ATP2B2: variants seen among roughly 807,000 people sequenced by gnomAD.
ATP2B2 encodes the protein ATPase plasma membrane Ca2+ transporting 2.
ATP2B2 carries 15 observed loss-of-function variants against 120.0 expected under a neutral mutation model. That is an observed-to-expected ratio of 0.12 (90% CI 0.08 to 0.19). The LOEUF (loss-of-function observed/expected upper bound fraction) is 0.19. ATP2B2 is among the 10% of genes least tolerant of loss of function. The pLI, the probability that ATP2B2 is intolerant of heterozygous loss-of-function variation, is 1.00. For missense variants in ATP2B2, 1,045 were observed against 1,719.8 expected (o/e 0.61, Z 6.94); for synonymous variants, 694 against 700.3 (o/e 0.99, Z 0.14).
chr3:10,654,096 A>G (rs1265198611), intron 1 of ATP2B2, among the ~76,000 whole-genome samples: 1 of 152,078 alleles, frequency 6.6e-6, no homozygotes, highest in Non-Finnish European at 1.5e-5. Context: ...CCTCCCACAA[A>G]CCCTCTGAGG....
chr3:10,556,024 G>A (rs2067770644), intron 2 of ATP2B2, among the ~76,000 whole-genome samples: 1 of 152,168 alleles, frequency 6.6e-6, no homozygotes, highest in Non-Finnish European at 1.5e-5. Flanking sequence ...TCAGCCTCCT[G>A]AGTAGCTGGG....
At chr3:10,629,138 A>G (rs2069791125) in intron 1 of ATP2B2, among the ~76,000 whole-genome samples, 1 of 152,106 alleles carries the variant, frequency 6.6e-6, no homozygotes. Flanking sequence ...AAACAGCAAA[A>G]CCACCAACAG....
chr3:10,655,932 T>C (rs1436850225), intron 1 of ATP2B2, among the ~76,000 whole-genome samples: 3 of 152,214 alleles, frequency 2.0e-5, no homozygotes, highest in African/African-American at 7.2e-5. Context: ...AATAACACTT[T>C]ACAATCCAAT....
intron 1 of ATP2B2, among the ~76,000 whole-genome samples, chr3:10,678,841 G>A (rs528811121): frequency 6.6e-6 from 1 of 152,324 alleles, no homozygotes; most frequent in Admixed American, 6.5e-5. Flanking sequence ...CCTGGGTGTG[G>A]AGAGGGTCTA....
rs2067285349 is a variant in ATP2B2, at chr3:10,535,083, TTAG to T, written c.-414-953_-414-951del. Among the ~76,000 whole-genome samples the T allele has an allele frequency of 6.6e-5, 10 of 152,014 alleles. 1 individual carries two copies. The South Asian group carries it at 2.1e-3, about 32-fold the overall frequency. ...CATGCCTGACTAACTTTTTTGTATTTTAGTAGAGATGGGGTTTCACCGTGTTGC... is the reference window on the plus strand; with the variant it reads ...CATGCCTGACTAACTTTTTTGTATTTTAGAGATGGGGTTTCACCGTGTTGC... On this transcript the variant is annotated intron_variant, in intron 2 of 21. Transcript: ENST00000646379.
chr3:10,621,393 G>A (rs913234601), intron 1 of ATP2B2, among the ~76,000 whole-genome samples: 2 of 152,192 alleles, frequency 1.3e-5, no homozygotes, highest in African/African-American at 4.8e-5. Flanking sequence ...AATCTTTTCT[G>A]GGAAAAACAC....
intron 1 of ATP2B2, among the ~76,000 whole-genome samples, chr3:10,482,423 G>C (rs2065451584): frequency 6.6e-6 from 1 of 152,210 alleles, no homozygotes; most frequent in South Asian, 2.1e-4. Context: ...CTGGGCCCCT[G>C]CTGCCTCAAT....
At chr3:10,363,864 A>C (rs965949599) in intron 12 of ATP2B2, among the ~76,000 whole-genome samples, 7 of 152,242 alleles carry the variant, frequency 4.6e-5, no homozygotes, top group African/African-American at 1.4e-4. Context: ...TGATCCAGAA[A>C]GTCTGATTCT....
intron 2 of ATP2B2, among the ~76,000 whole-genome samples, chr3:10,585,493 G>GGAAAAAAAAAA (rs1250583445): frequency 8.8e-4 from 25 of 28,512 alleles, no homozygotes; most frequent in African/African-American, 3.6e-3. Flanking sequence ...GACTCCGTCT[G>GGAAAAAAAAAA]AAAAAAAAAA....
At chr3:10,683,746 A>ATGTGTGTG (rs1408104149) in intron 1 of ATP2B2, among the ~76,000 whole-genome samples, 2 of 40,856 alleles carry the variant, frequency 4.9e-5, no homozygotes, top group Admixed American at 6.4e-4. Context: ...ATGTGTATAT[A>ATGTGTGTG]TATGTGTGTG....
chr3:10,378,513 G>A, intron 9 of ATP2B2, 103 bp from the exon 10 acceptor site: 2 of 1,497,984 alleles, frequency 1.3e-6, no homozygotes, highest in Non-Finnish European at 1.8e-6. Context: ...TGCCTGCCCA[G>A]GGTAGGTGCT....
rs2060428036 is a variant in ATP2B2, at chr3:10,346,207, C to T, written c.2405-70G>A. 1 of 1,493,196 alleles carries T rather than the reference C, an allele frequency of 6.7e-7. No homozygotes were observed. 92.5% of individuals were successfully genotyped at this position (1,493,196 alleles called of 1,614,324 possible). A position where few individuals can be genotyped will look rare whatever the true frequency, so the allele number is the denominator to read the frequency against. ...GAGGCAGCCTGGGCCAGCCCTGGTCCTCGGGAGGGGCCTGGCTGGGCATGG... is the reference window on the plus strand; with the variant it reads ...GAGGCAGCCTGGGCCAGCCCTGGTCTTCGGGAGGGGCCTGGCTGGGCATGG... On this transcript the variant is annotated intron_variant, in intron 16 of 22. Coordinates refer to ENST00000360273, the MANE Select transcript of ATP2B2 (RefSeq NM_001001331.4). This position sits in a 1 kb window ranked among gnomAD's most constrained non-coding sequence, Gnocchi z 4.1.
chr3:10,414,697 C>T lies in ATP2B2; in HGVS notation c.200-3882G>A, dbSNP rs531222973. On this transcript the variant is annotated intron_variant, in intron 2 of 22. Coordinates refer to ENST00000360273, the MANE Select transcript of ATP2B2 (RefSeq NM_001001331.4). The stretch of plus-strand genomic sequence containing the variant: ...CAGCCCCTAAGTTGCTAGTTTGAGA[C>T]CCCCAAGGCTATGGATTGGGACAGG... Among the ~76,000 whole-genome samples the T allele has an allele frequency of 1.2e-4, 18 of 152,244 alleles. No homozygotes were observed. The East Asian group carries it at 3.5e-3, about 29-fold the overall frequency.
chr3:10,678,054 C>T (rs1405283659), intron 1 of ATP2B2, among the ~76,000 whole-genome samples: 1 of 152,162 alleles, frequency 6.6e-6, no homozygotes, highest in Admixed American at 6.5e-5. Flanking sequence ...CATAATTAAA[C>T]CCCAGGAAGT....
At chr3:10,583,493 C>T (rs2068438442) in intron 2 of ATP2B2, among the ~76,000 whole-genome samples, 1 of 152,182 alleles carries the variant, frequency 6.6e-6, no homozygotes, top group African/African-American at 2.4e-5. Flanking sequence ...TACCTGGGAC[C>T]TCTCTCACTC....
chr3:10,488,171 A>G (rs1439352491), intron 1 of ATP2B2, among the ~76,000 whole-genome samples: 1 of 148,402 alleles, frequency 6.7e-6, no homozygotes, highest in African/African-American at 2.5e-5. Context: ...GCATCCATCC[A>G]TCTACCCACC....
intron 1 of ATP2B2, among the ~76,000 whole-genome samples, chr3:10,671,736 C>T (rs1335163803): frequency 6.6e-6 from 1 of 152,080 alleles, no homozygotes; most frequent in Admixed American, 6.6e-5. Flanking sequence ...CTAAATGCCC[C>T]TTCTTCAAAC....
rs997235691 is a variant in ATP2B2 at position 10,324,845 on chromosome 3, C to T, written c.*3969G>A. Reference sequence around the variant, plus strand: ...GAAAGGGAGATAGGAATAAAGGTTTCTCCATGATGAGAATTAGAAGTGCAG... The same window carrying T: ...GAAAGGGAGATAGGAATAAAGGTTTTTCCATGATGAGAATTAGAAGTGCAG... On this transcript the variant is annotated 3_prime_UTR_variant, in exon 23 of 23. Coordinates refer to ENST00000360273, the MANE Select transcript of ATP2B2 (RefSeq NM_001001331.4). The T allele has an allele frequency of 2.0e-5, 3 of 152,264 alleles. No homozygotes were observed. The highest frequency in any genetic ancestry group is 7.2e-5 in the African/African-American group (3 of 41,470). The allele number at this position is 152,264 out of a possible 1,614,324, so 9.4% of individuals were successfully genotyped here. A position where few individuals can be genotyped will look rare whatever the true frequency, so the allele number is the denominator to read the frequency against.
intron 1 of ATP2B2, among the ~76,000 whole-genome samples, chr3:10,673,431 C>T (rs2071163279): frequency 7.2e-6 from 1 of 139,798 alleles, no homozygotes; most frequent in African/African-American, 2.7e-5. Flanking sequence ...AAGAAAGAGA[C>T]AAAGAAAGAA....
Sources: allele counts gnomAD v4.1 joint callset (sites outside exome capture counted in the v4.1 genomes callset), GRCh38; gene constraint gnomAD v4.1.1; non-coding constraint Gnocchi (gnomAD v3.1); transcripts MANE v1.5; gene names NCBI Gene and HGNC (gene_info 2026-07-23, HGNC 2026-07-21).